Variants in SORCS2 observed in about 807,000 individuals in gnomAD.
The protein encoded by SORCS2 is sortilin related VPS10 domain containing receptor 2.
A neutral mutation model predicts 141.6 loss-of-function variants in SORCS2; 100 were observed. The ratio of observed to expected loss-of-function variants is 0.71; its 90% confidence interval spans 0.60 to 0.83. The LOEUF (loss-of-function observed/expected upper bound fraction) is 0.83, where lower values mean the gene tolerates loss of function less well. Among genes scored for constraint, SORCS2 ranks in the 40% least tolerant of loss-of-function variants. SORCS2 has a pLI of 0.00. For synonymous variants in SORCS2, 789 were observed against 676.9 expected (o/e 1.17, Z -2.57); for missense variants, 1,646 against 1,560.2 (o/e 1.05, Z -0.93).
intron 8 of SORCS2, among the ~76,000 whole-genome samples, chr4:7,673,494 C>G (rs1421401724): frequency 6.6e-6 from 1 of 152,120 alleles, no homozygotes; most frequent in African/African-American, 2.4e-5. Context: ...GTATAGATCA[C>G]TTTAATGGCA....
At chr4:7,474,035 C>G (rs936986074) in intron 2 of SORCS2, among the ~76,000 whole-genome samples, 4 of 152,192 alleles carry the variant, frequency 2.6e-5, no homozygotes, top group Admixed American at 6.5e-5. Flanking sequence ...TTGGCATGTG[C>G]TGAGATGCCC....
chr4:7,534,141 C>T (rs745914000), intron 3 of SORCS2, among the ~76,000 whole-genome samples: 19 of 152,346 alleles, frequency 1.2e-4, no homozygotes, highest in Admixed American at 3.3e-4. Context: ...AGCACAGAGG[C>T]TCAGCTGACT....
At chr4:7,589,274 G>A (rs1428519278) in intron 3 of SORCS2, among the ~76,000 whole-genome samples, 1 of 152,206 alleles carries the variant, frequency 6.6e-6, no homozygotes, top group Non-Finnish European at 1.5e-5. Flanking sequence ...TCAGGTTTGG[G>A]AGGGACTTCG....
intron 1 of SORCS2, among the ~76,000 whole-genome samples, chr4:7,333,594 C>T (rs990414888): frequency 2.0e-5 from 3 of 152,112 alleles, no homozygotes; most frequent in South Asian, 2.1e-4. Flanking sequence ...GGGCCCTCGT[C>T]GTCCACCTCC....
rs1304491103 is a variant in SORCS2 at position 7,600,656 on chromosome 4, T to TATACAC, written c.649-37671_649-37670insTACACA. On this transcript the variant is annotated intron_variant, in intron 3 of 26. Coordinates refer to ENST00000507866, the MANE Select transcript of SORCS2 (RefSeq NM_020777.3). ...TTAGATTACGATATACATATATATA[T>TATACAC]ACACACACACACACACACACACACA... Among the ~76,000 whole-genome samples the TATACAC allele has an allele frequency of 1.9e-3, 273 of 140,970 alleles. 4 individuals are homozygous for TATACAC. The highest frequency in any genetic ancestry group is 7.1e-3 in the African/African-American group (260 of 36,624). 92.5% of individuals were successfully genotyped at this position (140,970 alleles called of 152,430 possible).
intron 3 of SORCS2, among the ~76,000 whole-genome samples, chr4:7,606,572 T>G (rs993373737): frequency 5.3e-5 from 8 of 152,034 alleles, no homozygotes; most frequent in Admixed American, 5.2e-4. Flanking sequence ...CTCCTGAACC[T>G]CCTCAGGAAC....
intron 1 of SORCS2, among the ~76,000 whole-genome samples, chr4:7,281,554 G>A (rs539999782): frequency 2.6e-5 from 4 of 152,194 alleles, no homozygotes; most frequent in Admixed American, 1.3e-4. Flanking sequence ...AAACAAGAGC[G>A]TTCCATCCTC....
intron 1 of SORCS2, among the ~76,000 whole-genome samples, chr4:7,205,702 G>T (rs1222452667): frequency 1.3e-5 from 2 of 152,198 alleles, no homozygotes; most frequent in Non-Finnish European, 2.9e-5. Context: ...CCAAGTTCAT[G>T]GGTTCCTGAA....
At chr4:7,674,318 G>A (rs1040214217) in intron 8 of SORCS2, among the ~76,000 whole-genome samples, 1 of 152,068 alleles carries the variant, frequency 6.6e-6, no homozygotes, top group Non-Finnish European at 1.5e-5. Flanking sequence ...GGTGGCTCAC[G>A]CCTGTAATCC....
intron 3 of SORCS2, among the ~76,000 whole-genome samples, chr4:7,608,923 G>C (rs1337530709): frequency 6.6e-6 from 1 of 152,136 alleles, no homozygotes; most frequent in Non-Finnish European, 1.5e-5. Flanking sequence ...ACCAGGGCCA[G>C]CATCAGGCAC....
chr4:7,480,439 G>T (rs71645802), intron 2 of SORCS2, among the ~76,000 whole-genome samples: 3 of 152,152 alleles, frequency 2.0e-5, no homozygotes, highest in African/African-American at 7.2e-5. Context: ...TACAGCCCGG[G>T]GGGTTGGAGG....
In SORCS2 at chr4:7,705,445, C is replaced by T. The variant is rs554101873; in HGVS notation, c.1868+1161C>T. The stretch of plus-strand genomic sequence containing the variant: ...CCACAGTAGCCCCACGAGGCTGCCG[C>T]GACAGCCCACAGCTCTTCCACCTCA... On this transcript the variant is annotated intron_variant, in intron 14 of 26. Transcript: ENST00000507866. Among the ~76,000 whole-genome samples, 11 of 152,348 alleles carry T rather than the reference C, an allele frequency of 7.2e-5. No individual in the cohort carries two copies. The East Asian group carries it at 1.7e-3, about 24-fold the overall frequency.
At chr4:7,613,804 T>C (rs73216637) in intron 3 of SORCS2, among the ~76,000 whole-genome samples, 3,921 of 151,986 alleles carry the variant, frequency 0.026, 89 homozygotes, top group African/African-American at 0.059. Flanking sequence ...TCTACCAATC[T>C]ATCTTTCCAT....
intron 17 of SORCS2, 49 bp from the exon 18 acceptor site, chr4:7,717,963 C>A (rs2109048333): frequency 1.3e-6 from 2 of 1,517,878 alleles, no homozygotes; most frequent in Non-Finnish European, 1.8e-6. Context: ...GGGGCCCCAT[C>A]CCTTGCCACC....
In SORCS2 at chr4:7,301,946, A is replaced by G. The variant is rs779201784; in HGVS notation, c.481-94342A>G. On this transcript the variant is annotated intron_variant, in intron 1 of 26. Coordinates refer to ENST00000507866, the MANE Select transcript of SORCS2 (RefSeq NM_020777.3). ...CTCCTTCCCTTCCAGCTCTTGCTGC[A>G]CTCCTACATCCTCTATAAAAATCAC... Among the ~76,000 whole-genome samples the G allele has an allele frequency of 2.0e-5, 3 of 151,952 alleles. No homozygotes were observed. The South Asian group carries it at 6.2e-4, about 32-fold the overall frequency.
chr4:7,685,688 AAT>A (rs5855976), intron 10 of SORCS2, among the ~76,000 whole-genome samples: 1 of 149,602 alleles, frequency 6.7e-6, no homozygotes, highest in Non-Finnish European at 1.5e-5. Flanking sequence ...AAAATAAATA[AAT>A]ATATATATAT....
At chr4:7,434,805 C>T in intron 2 of SORCS2, 3 of 1,608,330 alleles carry the variant, frequency 1.9e-6, no homozygotes, top group Non-Finnish European at 2.5e-6. Flanking sequence ...CCTTTGCACA[C>T]TCCTGGGGGC....
At chr4:7,730,299 T>A (rs1711560415) in intron 23 of SORCS2, among the ~76,000 whole-genome samples, 1 of 152,156 alleles carries the variant, frequency 6.6e-6, no homozygotes, top group Non-Finnish European at 1.5e-5. Context: ...AGCAGAGAAC[T>A]TGGAACCTCT....
At chr4:7,478,175 T>G (rs1730416469) in intron 2 of SORCS2, among the ~76,000 whole-genome samples, 2 of 152,114 alleles carry the variant, frequency 1.3e-5, no homozygotes, top group Admixed American at 1.3e-4. Context: ...TGAGGCAGTT[T>G]GAAAAAGGCC....
Sources: gnomAD v4.1 joint callset for allele counts (sites outside exome capture counted in the v4.1 genomes callset) on GRCh38, gnomAD v4.1.1 for gene constraint, MANE v1.5 for transcripts, NCBI Gene and HGNC (gene_info 2026-07-23, HGNC 2026-07-21) for gene names.